The following PCDHA1 variants were observed in gnomAD, a reference collection of about 807,000 sequenced individuals.
PCDHA1 encodes protocadherin alpha-1.
Under a neutral mutation model 61.3 loss-of-function variants are expected in PCDHA1, and 42 were observed. The observed-to-expected ratio is 0.69, with a 90% CI of 0.54 to 0.89. The LOEUF is 0.89. PCDHA1 is among the 40% of genes least tolerant of loss of function. The pLI is 0.00. For missense variants in PCDHA1, 1,256 were observed against 1,235.3 expected, an observed-to-expected ratio of 1.02 and a Z score of -0.25; for synonymous variants, 610 against 553.8, an observed-to-expected ratio of 1.10 and a Z score of -1.43.
At chr5:140,928,337 AT>A (rs549164954) in intron 1 of PCDHA1, 7 of 1,613,944 alleles carry the variant, frequency 4.3e-6, no homozygotes, top group Non-Finnish European at 5.9e-6. Flanking sequence ...CTTGTCTCTT[AT>A]GAGCTGTTGG....
intron 1 of PCDHA1, among the ~76,000 whole-genome samples, chr5:140,840,978 T>C (rs1453461465): frequency 6.6e-6 from 1 of 152,022 alleles, no homozygotes; most frequent in African/African-American, 2.4e-5. Context: ...GAAGAAGAAA[T>C]CCCTAGCTGA....
chr5:140,843,136 G>A lies in PCDHA1; in HGVS notation c.2394+54452G>A, dbSNP rs2150353697. 16 of 1,596,026 alleles carry A rather than the reference G, an allele frequency of 1.0e-5. 4 individuals are homozygous for A. Among genetic ancestry groups the A allele is most frequent in the South Asian group, 2.2e-5 (2 of 90,518 alleles). ...TGGACGCCGACTCGGGCTACAACGCGTGGCTTTCGTATGAGCTGCAGCCAG... is the reference window on the plus strand; with the variant it reads ...TGGACGCCGACTCGGGCTACAACGCATGGCTTTCGTATGAGCTGCAGCCAG... On this transcript the variant is annotated intron_variant, in intron 1 of 3. Transcript: ENST00000504120.
chr5:140,869,363 A>G lies in PCDHA1; in HGVS notation c.2394+80679A>G, dbSNP rs1201912812. The G allele has an allele frequency of 9.3e-6, 15 of 1,614,010 alleles. No individual in the cohort carries two copies. In the Admixed American group the frequency reaches 2.5e-4, roughly 27 times the overall value. ...CTGCAGAATGGCATTTTGTTTGTGA[A>G]TTCTCGGATCGACCGCGAGGAGCTG... On this transcript the variant is annotated intron_variant, in intron 1 of 3. Coordinates refer to ENST00000504120, the MANE Select transcript of PCDHA1 (RefSeq NM_018900.4).
Position 140,857,175 on chromosome 5 carries a change from A to G in PCDHA1, c.2394+68491A>G, listed in dbSNP as rs149086377. ...ATTGCCCTAATCAGCGTTTCTGACC[A>G]TGATTCAGGAGCCAACGGACAGGTC... On this transcript the variant is annotated intron_variant, in intron 1 of 3. Transcript: ENST00000504120. 1.1e-5 allele frequency: 18 copies of G among 1,598,338 alleles called. No homozygotes were observed. The African/African-American group carries it at 1.3e-4, about 12-fold the overall frequency.
At chr5:140,813,338 A>G (rs1554126171) in intron 1 of PCDHA1, 1 of 152,234 alleles carries the variant, frequency 6.6e-6, no homozygotes, top group Non-Finnish European at 1.5e-5. Context: ...ACATATTTAC[A>G]CAAACCTAGA....
Position 140,787,918 on chromosome 5 carries a change from C to A in PCDHA1, c.1628C>A (p.Pro543Gln), listed in dbSNP as rs568547556. The A allele has an allele frequency of 9.3e-6, 15 of 1,613,600 alleles. No individual in the cohort carries two copies. The highest frequency in any genetic ancestry group is 4.0e-5 in the African/African-American group (3 of 74,920). The change falls in exon 1 of 4, where the codon CCG becomes CAG. Residue 543 changes from proline (P) to glutamine (Q), a missense_variant. Transcript: ENST00000504120. ...FQVSARDAGVPPLGSNVTLQV... is the reference protein window; with the variant it reads ...FQVSARDAGVQPLGSNVTLQV... ...GTGAGCGCGCGGGATGCGGGCGTGCCGCCTCTGGGCAGCAACGTGACGCTG... is the reference window on the plus strand; with the variant it reads ...GTGAGCGCGCGGGATGCGGGCGTGCAGCCTCTGGGCAGCAACGTGACGCTG...
At chr5:140,844,541 T>C (rs1361373728) in intron 1 of PCDHA1, among the ~76,000 whole-genome samples, 3 of 149,594 alleles carry the variant, frequency 2.0e-5, no homozygotes, top group Non-Finnish European at 4.5e-5. Flanking sequence ...TTCAACCCTT[T>C]GTTCATGAGT....
chr5:140,854,159 C>CAAAA (rs59855104), intron 1 of PCDHA1: 33,814 of 339,152 alleles, frequency 0.1, 739 homozygotes, highest in Middle Eastern at 0.12. Flanking sequence ...GATTCTGTCT[C>CAAAA]AAAAAAAAAA....
In PCDHA1 at chr5:140,788,094, G is replaced by A; in HGVS notation, c.1804G>A (p.Gly602Ser). ...GGTGCGCGCAGTGGACGCCGACTCG[G>A]GCTACAACGCGTGGCTGTCCTATGA... Reference protein sequence around the residue: ...AKVRAVDADSGYNAWLSYELQ... With the variant: ...AKVRAVDADSSYNAWLSYELQ... Residue 602 changes from glycine (G) to serine (S), a missense_variant, in exon 1 of 4, where the codon GGC (glycine) becomes AGC (serine). By Grantham distance (56) the Gly-to-Ser change is moderately conservative. Coordinates refer to ENST00000504120, the MANE Select transcript of PCDHA1 (RefSeq NM_018900.4). 6.2e-7 allele frequency: 1 copy of A among 1,613,978 alleles called. No homozygotes were observed. The highest frequency in any genetic ancestry group is 1.3e-5 in the African/African-American group (1 of 75,056).
At chr5:140,880,972 A>G (rs574204364) in intron 1 of PCDHA1, among the ~76,000 whole-genome samples, 94 of 152,374 alleles carry the variant, frequency 6.2e-4, no homozygotes, top group Non-Finnish European at 8.5e-4. Flanking sequence ...AGAGAATACC[A>G]AATACTCTGC....
At chr5:140,836,309 AC>A (rs2150257365) in intron 1 of PCDHA1, 1 of 1,613,652 alleles carries the variant, frequency 6.2e-7, no homozygotes, top group East Asian at 2.2e-5. Context: ...AGACGGACGC[AC>A]CGCGCCACCG....
At chr5:141,008,686 A>G (rs1419778370) in intron 3 of PCDHA1, among the ~76,000 whole-genome samples, 1 of 152,174 alleles carries the variant, frequency 6.6e-6, no homozygotes, top group Non-Finnish European at 1.5e-5. Flanking sequence ...TAGTTATTGC[A>G]TGTATTAAGT....
chr5:140,970,948 C>A (rs1339410112), intron 1 of PCDHA1, among the ~76,000 whole-genome samples: 2 of 152,114 alleles, frequency 1.3e-5, no homozygotes, highest in East Asian at 3.8e-4. Flanking sequence ...TGCTGAGAAA[C>A]CATGGGAGGC....
chr5:140,985,889 G>A (rs549796234), intron 3 of PCDHA1, among the ~76,000 whole-genome samples: 61 of 151,864 alleles, frequency 4.0e-4, no homozygotes, highest in Non-Finnish European at 5.7e-4. Context: ...ACAGGCGCCC[G>A]CCACCACTCC....
chr5:140,788,286 C>T lies in PCDHA1; in HGVS notation c.1996C>T (p.Leu666Phe), dbSNP rs80189245. 3.8e-5 allele frequency: 62 copies of T among 1,613,998 alleles called. 1 individual carries two copies. In the East Asian group the frequency reaches 1.3e-3, roughly 35 times the overall value. Residue 666 changes from leucine to phenylalanine, a missense_variant, in exon 1 of 4, where the codon CTT becomes TTT. By Grantham distance (22) the Leu-to-Phe change is conservative (BLOSUM62 0). Coordinates refer to ENST00000504120, the MANE Select transcript of PCDHA1 (RefSeq NM_018900.4). The stretch of plus-strand genomic sequence containing the variant: ...GGCGCTGACAGCCACGGCCACTGTG[C>T]TTGTATCTCTGGTGGAGAGCGGCCA... ...EPALTATATV[L>F]VSLVESGQAP...
intron 1 of PCDHA1, chr5:140,801,645 T>G: frequency 6.2e-7 from 1 of 1,614,188 alleles, no homozygotes; most frequent in Non-Finnish European, 8.5e-7. Context: ...ACAGCCTGGC[T>G]CTCGGTTTTC....
At chr5:140,836,139 G>T (rs2150253761) in intron 1 of PCDHA1, 1 of 1,613,778 alleles carries the variant, frequency 6.2e-7, no homozygotes, top group Middle Eastern at 1.6e-4. Context: ...GCGGTCTGTG[G>T]GCGCGGGCCA....
chr5:140,844,144 A>G (rs1289976032), intron 1 of PCDHA1, among the ~76,000 whole-genome samples: 1 of 149,504 alleles, frequency 6.7e-6, no homozygotes, highest in Non-Finnish European at 1.5e-5. Context: ...TGTTGTCTTT[A>G]TATTTACTTT....
chr5:140,877,323 C>T (rs782217893), intron 1 of PCDHA1: 2 of 1,613,988 alleles, frequency 1.2e-6, no homozygotes, highest in East Asian at 2.2e-5. Context: ...CGGCGGTCGG[C>T]GCGCACATCC....
Sources: gnomAD v4.1 joint callset for allele counts (sites outside exome capture counted in the v4.1 genomes callset) on GRCh38, gnomAD v4.1.1 for gene constraint, MANE v1.5 for transcripts, NCBI Gene and HGNC (gene_info 2026-07-23, HGNC 2026-07-21) for gene names.